MAGI2: variants seen among roughly 807,000 people sequenced by gnomAD.
The protein encoded by MAGI2 is membrane associated guanylate kinase, WW and PDZ domain containing 2, also known as membrane-associated guanylate kinase, WW and PDZ domain-containing protein 2.
MAGI2 carries 35 observed loss-of-function variants against 133.3 expected under a neutral mutation model. The observed-to-expected ratio is 0.26, with a 90% CI of 0.20 to 0.35. The LOEUF is 0.35. Ranked by LOEUF, MAGI2 falls within the 10% of genes least tolerant of loss-of-function variation. The probability of loss-of-function intolerance (pLI) is 1.00; values close to 1 mark genes in which losing one functional copy is unlikely to be tolerated. For synonymous variants in MAGI2, 729 were observed against 710.6 expected (o/e 1.03, Z -0.41); for missense variants, 1,636 against 1,863.4 (o/e 0.88, Z 2.25).
chr7:78,206,517 T>G (rs1312346248), intron 10 of MAGI2, among the ~76,000 whole-genome samples: 2 of 152,186 alleles, frequency 1.3e-5, no homozygotes, highest in Admixed American at 1.3e-4. Context: ...GGTCTCAAAC[T>G]CCTGATCTCA....
intron 2 of MAGI2, among the ~76,000 whole-genome samples, chr7:78,881,876 C>T (rs1795866951): frequency 6.6e-6 from 1 of 151,080 alleles, no homozygotes; most frequent in African/African-American, 2.4e-5. Context: ...TCTAACATCA[C>T]ACTTAAAGGA....
rs1273497644 is a variant in MAGI2, at chr7:78,160,263, G to A, written c.2607C>T (p.Cys869=). The part of the protein sequence containing the change: ...RRKVLCGGEP[C]PENGRSPGSV... ...AGCCTGGACTTCTCCCGTTCTCTGG[G>A]CAGGGCTCCCCTGCAAAATATACCA... Residue 869 remains cysteine (C), a synonymous_variant, in exon 16 of 22, where the codon TGC becomes TGT. Transcript: ENST00000354212. The A allele has an allele frequency of 1.9e-6, 3 of 1,589,900 alleles. No individual in the cohort carries two copies. The highest frequency in any genetic ancestry group is 1.2e-5 in the South Asian group (1 of 85,492).
intron 2 of MAGI2, among the ~76,000 whole-genome samples, chr7:78,916,246 A>C (rs1049220908): frequency 3.9e-5 from 6 of 152,100 alleles, no homozygotes; most frequent in African/African-American, 1.4e-4. Context: ...ATATGTGTAT[A>C]ATGCTTCACA....
At chr7:79,109,386 A>G (rs1309091827) in intron 1 of MAGI2, among the ~76,000 whole-genome samples, 1 of 152,188 alleles carries the variant, frequency 6.6e-6, no homozygotes, top group Admixed American at 6.5e-5. Flanking sequence ...CACCCATGTT[A>G]TGCCTTAGCA....
chr7:78,405,440 A>G (rs1005885527), intron 6 of MAGI2, among the ~76,000 whole-genome samples: 8 of 152,212 alleles, frequency 5.3e-5, no homozygotes, highest in Middle Eastern at 6.8e-3. Context: ...GATTTTAAAT[A>G]TGCTTTATAT....
At chr7:79,410,833 T>TG (rs772566908) in intron 1 of MAGI2, 2 of 152,128 alleles carry the variant, frequency 1.3e-5, no homozygotes, top group Non-Finnish European at 2.9e-5. Flanking sequence ...AAAATGGATA[T>TG]GGTATTTACA....
At chr7:78,902,926 G>A (rs1797714438) in intron 2 of MAGI2, among the ~76,000 whole-genome samples, 3 of 152,038 alleles carry the variant, frequency 2.0e-5, no homozygotes, top group South Asian at 4.1e-4. Flanking sequence ...TCCTGGAAAA[G>A]AGCAGTTCTA....
At chr7:79,253,303 A>G (rs1038027130) in intron 1 of MAGI2, among the ~76,000 whole-genome samples, 1 of 152,132 alleles carries the variant, frequency 6.6e-6, no homozygotes, top group Admixed American at 6.6e-5. Flanking sequence ...TTCTTTCCAC[A>G]ACCTCTTTAA....
At chr7:78,459,330 AC>A (rs1789708520) in intron 6 of MAGI2, among the ~76,000 whole-genome samples, 1 of 152,180 alleles carries the variant, frequency 6.6e-6, no homozygotes, top group African/African-American at 2.4e-5. Flanking sequence ...CTTTGCATAA[AC>A]TTTGGTGAGT....
Position 78,947,395 on chromosome 7 carries a change from A to T in MAGI2, c.418+59695T>A, listed in dbSNP as rs2151694072. Among the ~76,000 whole-genome samples, 3 of 152,218 alleles carry T rather than the reference A, an allele frequency of 2.0e-5. 1 individual carries two copies. The highest frequency in any genetic ancestry group is 6.8e-3 in the Middle Eastern group (2 of 294). ...TAAAAACATTACTTCTTGCAGTTTG[A>T]TTGACTCTTGAGATTGAAACAAAGG... On this transcript the variant is annotated intron_variant, in intron 2 of 21. Coordinates refer to ENST00000354212, the MANE Select transcript of MAGI2 (RefSeq NM_012301.4).
At chr7:78,637,679 GCTCT>G (rs139281666) in intron 2 of MAGI2, among the ~76,000 whole-genome samples, 6,926 of 152,228 alleles carry the variant, frequency 0.045, 213 homozygotes, top group East Asian at 0.082. Flanking sequence ...TACTCATAAA[GCTCT>G]CTGTTATAAC....
chr7:79,089,739 G>A (rs192226181), intron 1 of MAGI2, among the ~76,000 whole-genome samples: 8 of 151,554 alleles, frequency 5.3e-5, no homozygotes, highest in South Asian at 2.1e-4. Flanking sequence ...CTCAGCAAAC[G>A]AACACAGAAA....
chr7:78,981,705 C>T (rs1290230304), intron 2 of MAGI2, among the ~76,000 whole-genome samples: 1 of 151,774 alleles, frequency 6.6e-6, no homozygotes, highest in African/African-American at 2.4e-5. Context: ...TGTGGGAGCC[C>T]ATGGCACCCT....
At chr7:79,419,235 G>A (rs1585910885) in intron 1 of MAGI2, among the ~76,000 whole-genome samples, 1 of 151,954 alleles carries the variant, frequency 6.6e-6, no homozygotes, top group Non-Finnish European at 1.5e-5. Context: ...AATGAATACT[G>A]AGATGCCTAG....
intron 21 of MAGI2, among the ~76,000 whole-genome samples, chr7:78,064,846 T>C (rs1385196953): frequency 5.3e-5 from 8 of 152,202 alleles, no homozygotes; most frequent in Non-Finnish European, 1.0e-4. Context: ...ATCTACATTC[T>C]GATTTTTTAA....
intron 1 of MAGI2, among the ~76,000 whole-genome samples, chr7:79,217,352 T>C (rs1005188906): frequency 1.3e-5 from 2 of 152,076 alleles, no homozygotes; most frequent in South Asian, 2.1e-4. Context: ...GTCCCTATCA[T>C]ATATTTATTT....
intron 20 of MAGI2, among the ~76,000 whole-genome samples, chr7:78,108,755 C>T (rs1013215884): frequency 2.7e-4 from 37 of 136,040 alleles, no homozygotes; most frequent in Admixed American, 2.3e-4. Context: ...AGTGTATATA[C>T]GTGAGTGTGT....
chr7:78,455,439 T>C (rs1427055565), intron 6 of MAGI2, among the ~76,000 whole-genome samples: 2 of 152,168 alleles, frequency 1.3e-5, no homozygotes, highest in Admixed American at 6.5e-5. Flanking sequence ...CTAGCATTCA[T>C]ACAATACAAC....
At chr7:78,703,245 T>G (rs932191246) in intron 2 of MAGI2, among the ~76,000 whole-genome samples, 1 of 152,200 alleles carries the variant, frequency 6.6e-6, no homozygotes, top group African/African-American at 2.4e-5. Flanking sequence ...AGTTTATATT[T>G]CTTAATTTCA....
Sources: allele counts gnomAD v4.1 joint callset (sites outside exome capture counted in the v4.1 genomes callset), GRCh38; gene constraint gnomAD v4.1.1; transcripts MANE v1.5; gene names NCBI Gene and HGNC (gene_info 2026-07-23, HGNC 2026-07-21).